Variants in CDC14A observed in about 807,000 individuals in gnomAD.
CDC14A encodes the protein cell division cycle 14A.
Under a neutral mutation model 74.4 loss-of-function variants are expected in CDC14A, and 53 were observed. The ratio of observed to expected loss-of-function variants is 0.71; its 90% confidence interval spans 0.57 to 0.89. CDC14A has a LOEUF of 0.89. Ranked by LOEUF, CDC14A falls within the 40% of genes least tolerant of loss-of-function variation. The pLI, the probability that CDC14A is intolerant of heterozygous loss-of-function variation, is 0.00. For missense variants in CDC14A, 646 were observed against 713.7 expected, an observed-to-expected ratio of 0.91 and a Z score of 1.08; for synonymous variants, 247 against 258.4, an observed-to-expected ratio of 0.96 and a Z score of 0.43.
At chr1:100,431,691 A>C (rs1397477254) in intron 5 of CDC14A, among the ~76,000 whole-genome samples, 2 of 152,024 alleles carry the variant, frequency 1.3e-5, no homozygotes, top group African/African-American at 2.4e-5. Context: ...AAAAAAAATA[A>C]AAATAAAAAT....
intron 5 of CDC14A, among the ~76,000 whole-genome samples, chr1:100,430,729 A>G (rs1663552751): frequency 6.6e-6 from 1 of 152,210 alleles, no homozygotes; most frequent in Admixed American, 6.5e-5. Flanking sequence ...TAAATATGAT[A>G]TTGTGATTTT....
rs545912322 is a variant in CDC14A, at chr1:100,408,148, A to G, written c.310-16074A>G. On this transcript the variant is annotated intron_variant, in intron 4 of 15. Coordinates refer to ENST00000336454, the MANE Select transcript of CDC14A (RefSeq NM_003672.4). ...TGTTCTCATCGTTTAGTTCCAGCTTATAAGTGAGAATATGCAGTATTTGGT... is the reference window on the plus strand; with the variant it reads ...TGTTCTCATCGTTTAGTTCCAGCTTGTAAGTGAGAATATGCAGTATTTGGT... Among the ~76,000 whole-genome samples, 5 of 152,290 alleles carry G rather than the reference A, an allele frequency of 3.3e-5. No homozygotes were observed. The East Asian group carries it at 9.7e-4, about 29-fold the overall frequency.
intron 4 of CDC14A, among the ~76,000 whole-genome samples, chr1:100,401,765 A>G (rs1342399064): frequency 9.2e-5 from 14 of 152,124 alleles, no homozygotes; most frequent in Non-Finnish European, 1.5e-5. Context: ...GGGGCCGGCC[A>G]CGGTGGCTCA....
At chr1:100,375,163 G>T (rs1322689585) in intron 2 of CDC14A, among the ~76,000 whole-genome samples, 2 of 152,190 alleles carry the variant, frequency 1.3e-5, no homozygotes, top group Non-Finnish European at 2.9e-5. Context: ...GAGTGTAGCA[G>T]AAAGAAAAGG....
At chr1:100,349,015 T>A (rs1360146294), upstream of CDC14A, among the ~76,000 whole-genome samples, 2 of 152,128 alleles carry the variant, frequency 1.3e-5, no homozygotes, top group East Asian at 1.9e-4. Context: ...GCCAACATAG[T>A]GAAATCCTGT....
chr1:100,403,753 T>A (rs2101019165), intron 4 of CDC14A, among the ~76,000 whole-genome samples: 1 of 152,306 alleles, frequency 6.6e-6, no homozygotes, highest in South Asian at 2.1e-4. Flanking sequence ...AAATGTGCAT[T>A]GATTCAGTTT....
At chr1:100,444,494 A>T (rs1665311777) in intron 7 of CDC14A, among the ~76,000 whole-genome samples, 1 of 152,186 alleles carries the variant, frequency 6.6e-6, no homozygotes, top group East Asian at 1.9e-4. Flanking sequence ...GATGAGCTCC[A>T]GCCTACCCTT....
chr1:100,510,109 C>T (rs28364910), intron 15 of CDC14A, among the ~76,000 whole-genome samples: 3,094 of 152,216 alleles, frequency 0.02, 45 homozygotes, highest in Non-Finnish European at 0.025. Flanking sequence ...ATCGTTTTGT[C>T]CTCATCACTG....
rs1648830740 is a variant in CDC14A at position 100,377,551 on chromosome 1, A to G, written c.146A>G (p.Tyr49Cys). 6.2e-7 allele frequency: 1 copy of G among 1,611,788 alleles called. No individual in the cohort carries two copies. The highest frequency in any genetic ancestry group is 8.5e-7 in the Non-Finnish European group (1 of 1,178,626). ...TTGTTTTTCTTGTATCTTAGTTTCT[A>G]TGCAGATTTTGGACCGCTGAACTTG... The part of the protein sequence containing the change: ...IDEELVYENF[Y>C]ADFGPLNLAM... The change falls in exon 3 of 16, where the codon TAT becomes TGT. Residue 49 changes from tyrosine (Y) to cysteine (C), a missense_variant. Physicochemically the swap from Tyr to Cys is radical, Grantham distance 194 (BLOSUM62 -2). Transcript: ENST00000336454.
At chr1:100,351,961 G>T (rs1035739666), upstream of CDC14A, among the ~76,000 whole-genome samples, 1 of 147,960 alleles carries the variant, frequency 6.8e-6, no homozygotes, top group Non-Finnish European at 1.5e-5. Flanking sequence ...ACGGAGATCT[G>T]AGGTTTTTAC....
intron 7 of CDC14A, among the ~76,000 whole-genome samples, chr1:100,443,502 ATTT>A (rs758252074): frequency 1.4e-5 from 2 of 142,184 alleles, no homozygotes; most frequent in Non-Finnish European, 3.1e-5. Flanking sequence ...TGTCTGGCTA[ATTT>A]TTTTTTTTTT....
chr1:100,509,759 C>T (rs973038854), intron 15 of CDC14A, among the ~76,000 whole-genome samples: 1 of 152,214 alleles, frequency 6.6e-6, no homozygotes, highest in African/African-American at 2.4e-5. Context: ...GTCTAAACAA[C>T]TCAAAGGTTG....
intron 3 of CDC14A, among the ~76,000 whole-genome samples, chr1:100,380,482 G>A (rs1471267787): frequency 6.6e-6 from 1 of 152,184 alleles, no homozygotes; most frequent in Non-Finnish European, 1.5e-5. Flanking sequence ...TCCAGTAAGT[G>A]TTAGGGCCAT....
intron 8 of CDC14A, among the ~76,000 whole-genome samples, chr1:100,456,436 C>G (rs12065637): frequency 8.6e-5 from 13 of 151,826 alleles, no homozygotes; most frequent in African/African-American, 3.2e-4. Flanking sequence ...TATCCCCCCC[C>G]CTTTTTTTTT....
At chr1:100,380,794 T>C (rs1381159315) in intron 3 of CDC14A, among the ~76,000 whole-genome samples, 1 of 152,200 alleles carries the variant, frequency 6.6e-6, no homozygotes, top group Non-Finnish European at 1.5e-5. Flanking sequence ...GCAGTACCCT[T>C]GCCACTCCCA....
rs1195757840 is a variant in CDC14A, at chr1:100,499,349, G to T, written c.1755+87G>T. On this transcript the variant is annotated intron_variant, in intron 15 of 15. Coordinates refer to ENST00000336454, the MANE Select transcript of CDC14A (RefSeq NM_003672.4). ...CTTCCCAGCCGAGGCTGCCACCAAAGAAATTTAATAGTGCCAAGGAAGCCT... is the reference window on the plus strand; with the variant it reads ...CTTCCCAGCCGAGGCTGCCACCAAATAAATTTAATAGTGCCAAGGAAGCCT... 2.5e-6 allele frequency: 4 copies of T among 1,613,630 alleles called. No individual in the cohort carries two copies. In the Admixed American group the frequency reaches 5.0e-5, roughly 20 times the overall value.
At chr1:100,494,665 G>A (rs558723945) in intron 11 of CDC14A, among the ~76,000 whole-genome samples, 153 bp from the exon 12 acceptor site, 7 of 152,102 alleles carry the variant, frequency 4.6e-5, no homozygotes, top group East Asian at 1.9e-4. Flanking sequence ...GTGTTCTTTT[G>A]TGTAAACTTT....
Position 100,431,805 on chromosome 1 carries a change from G to A in CDC14A, c.389+7504G>A, listed in dbSNP as rs184262713. Among the ~76,000 whole-genome samples, 33 of 151,518 alleles carry A rather than the reference G, an allele frequency of 2.2e-4. No individual in the cohort carries two copies. The East Asian group carries it at 5.2e-3, about 24-fold the overall frequency. ...TTTGAGGCTGCAGTGAGTTATGATCGTGCTGCTGTGACAGAATGAGTCCCT... is the reference window on the plus strand; with the variant it reads ...TTTGAGGCTGCAGTGAGTTATGATCATGCTGCTGTGACAGAATGAGTCCCT... On this transcript the variant is annotated intron_variant, in intron 5 of 15. Transcript: ENST00000336454.
intron 11 of CDC14A, among the ~76,000 whole-genome samples, chr1:100,491,072 T>G (rs1299568948): frequency 6.6e-6 from 1 of 152,172 alleles, no homozygotes; most frequent in Non-Finnish European, 1.5e-5. Flanking sequence ...AGAGTATGTT[T>G]GTTGAGGCTG....
Sources: gnomAD v4.1 joint callset for allele counts (sites outside exome capture counted in the v4.1 genomes callset) on GRCh38, gnomAD v4.1.1 for gene constraint, MANE v1.5 for transcripts, NCBI Gene and HGNC (gene_info 2026-07-23, HGNC 2026-07-21) for gene names.